MLIP: variants seen among roughly 807,000 people sequenced by gnomAD.
The protein encoded by MLIP is muscular LMNA interacting protein.
A neutral mutation model predicts 84.8 loss-of-function variants in MLIP; 79 were observed. The observed-to-expected ratio is 0.93, with a 90% confidence interval of 0.78 to 1.12. The LOEUF (loss-of-function observed/expected upper bound fraction) is 1.12, where lower values mean the gene tolerates loss of function less well. MLIP is among the 50% of genes most tolerant of loss of function. The pLI is 0.00. For missense variants in MLIP, 1,257 were observed against 1,160.6 expected (o/e 1.08, Z -1.21); for synonymous variants, 504 against 463.0 (o/e 1.09, Z -1.14).
At chr6:54,145,730 C>T (rs1034848325) in intron 4 of MLIP, among the ~76,000 whole-genome samples, 4 of 151,852 alleles carry the variant, frequency 2.6e-5, no homozygotes, top group South Asian at 2.1e-4. Context: ...GAGTTGTGAT[C>T]GCACCATGGC....
intron 12 of MLIP, among the ~76,000 whole-genome samples, chr6:54,244,124 A>C (rs919210083): frequency 1.3e-5 from 2 of 152,184 alleles, no homozygotes; most frequent in African/African-American, 4.8e-5. Flanking sequence ...ACATCCCTCA[A>C]ACCTCTTCAT....
At chr6:54,261,714 T>C in intron 13 of MLIP, 1 of 985,164 alleles carries the variant, frequency 1.0e-6, no homozygotes, top group Non-Finnish European at 1.2e-6. Flanking sequence ...GATGAGAACA[T>C]AGAAAAGAGA....
rs1486081305 is a variant in MLIP, at chr6:54,211,746, A to G, written c.2718+9513A>G. Among the ~76,000 whole-genome samples the G allele has an allele frequency of 2.6e-5, 4 of 152,278 alleles. No homozygotes were observed. In the South Asian group the frequency reaches 6.2e-4, roughly 24 times the overall value. On this transcript the variant is annotated intron_variant, in intron 11 of 13. Transcript: ENST00000502396. ...CAGGGATAATGCCAAAAATCCTACA[A>G]TGCCCAGTACATTCCCACACAACAA... is the stretch of plus-strand genomic sequence containing the variant.
chr6:54,121,628 A>G, intron 2 of MLIP, 26 bp downstream of exon 2: 2 of 1,478,152 alleles, frequency 1.4e-6, no homozygotes, highest in South Asian at 1.3e-5. Context: ...TTCTTTTTTA[A>G]TTTCAAACAA....
chr6:54,249,692 G>A (rs886358658), intron 12 of MLIP, among the ~76,000 whole-genome samples: 2 of 150,274 alleles, frequency 1.3e-5, no homozygotes, highest in African/African-American at 4.9e-5. Context: ...TTGGGGAAAT[G>A]TCTTTGGGGA....
intron 9 of MLIP, among the ~76,000 whole-genome samples, chr6:54,188,282 A>C (rs931928416): frequency 3.9e-5 from 6 of 152,172 alleles, no homozygotes; most frequent in African/African-American, 1.4e-4. Context: ...TTTCTTCAAC[A>C]ATAAATTAAC....
chr6:54,092,161 A>C (rs1220542159), intron 1 of MLIP, among the ~76,000 whole-genome samples: 2 of 152,126 alleles, frequency 1.3e-5, no homozygotes, highest in Non-Finnish European at 2.9e-5. Flanking sequence ...CTTTTCATTC[A>C]ATTTATCACA....
At chr6:54,187,387 A>G (rs995860032) in intron 9 of MLIP, among the ~76,000 whole-genome samples, 11 of 152,350 alleles carry the variant, frequency 7.2e-5, no homozygotes, top group African/African-American at 2.2e-4. Flanking sequence ...AAATACAAGC[A>G]ACATGGTATT....
intron 1 of MLIP, among the ~76,000 whole-genome samples, chr6:54,069,168 G>C (rs1364407008): frequency 4.0e-5 from 4 of 100,704 alleles, no homozygotes; most frequent in African/African-American, 1.0e-4. Context: ...CTGCAATCCA[G>C]GGTTGCAACT....
At chr6:54,028,176 G>C (rs1763927131) in intron 1 of MLIP, among the ~76,000 whole-genome samples, 2 of 152,082 alleles carry the variant, frequency 1.3e-5, no homozygotes, top group Admixed American at 1.3e-4. Context: ...CTGGTCTTTT[G>C]TTATTATTTA....
intron 5 of MLIP, among the ~76,000 whole-genome samples, chr6:54,154,669 C>T (rs1773833390): frequency 1.3e-5 from 2 of 152,116 alleles, no homozygotes; most frequent in African/African-American, 4.8e-5. Context: ...GTAAGGGATG[C>T]TCATATGGGA....
chr6:54,264,260 T>C (rs1048013724), intron 13 of MLIP, among the ~76,000 whole-genome samples: 6 of 152,098 alleles, frequency 3.9e-5, no homozygotes, highest in Admixed American at 3.9e-4. Context: ...AATATTTTAT[T>C]TAATGTTATA....
chr6:54,183,338 A>G (rs1473394472), intron 9 of MLIP, among the ~76,000 whole-genome samples: 1 of 152,210 alleles, frequency 6.6e-6, no homozygotes, highest in Admixed American at 6.5e-5. Context: ...AAATTCCACT[A>G]GACTGATCAT....
intron 8 of MLIP, 133 bp downstream of exon 8, chr6:54,160,932 T>A (rs1774575271): frequency 4.1e-6 from 3 of 727,262 alleles, no homozygotes; most frequent in East Asian, 5.4e-5. Flanking sequence ...TTTTGTAGAA[T>A]TTTAAAGATA....
chr6:54,105,567 T>A (rs1768949578), intron 1 of MLIP, among the ~76,000 whole-genome samples: 1 of 152,202 alleles, frequency 6.6e-6, no homozygotes, highest in Non-Finnish European at 1.5e-5. Flanking sequence ...GCCCTCATGG[T>A]GATTAAAATC....
chr6:54,240,699 G>C (rs1232078173), intron 12 of MLIP, among the ~76,000 whole-genome samples: 1 of 152,140 alleles, frequency 6.6e-6, no homozygotes, highest in Non-Finnish European at 1.5e-5. Context: ...ATTCCTGGCC[G>C]GGCACCGTGG....
chr6:54,184,303 A>G (rs1057452015), intron 9 of MLIP, among the ~76,000 whole-genome samples: 2 of 152,222 alleles, frequency 1.3e-5, no homozygotes, highest in Non-Finnish European at 2.9e-5. Flanking sequence ...GACTACTGAA[A>G]GGCAAAAAAA....
intron 11 of MLIP, among the ~76,000 whole-genome samples, chr6:54,223,943 T>C (rs530432707): frequency 9.2e-5 from 14 of 152,016 alleles, no homozygotes; most frequent in Non-Finnish European, 1.9e-4. Flanking sequence ...AGGAAATTTA[T>C]AATGTAAAAA....
chr6:54,148,785 G>A (rs1014161200), intron 4 of MLIP, among the ~76,000 whole-genome samples: 21 of 152,152 alleles, frequency 1.4e-4, no homozygotes, highest in Admixed American at 1.1e-3. Flanking sequence ...ATAACTTTGT[G>A]TAAAGGAAGT....
Sources: gnomAD v4.1 joint callset for allele counts (sites outside exome capture counted in the v4.1 genomes callset) on GRCh38, gnomAD v4.1.1 for gene constraint, MANE v1.5 for transcripts, NCBI Gene and HGNC (gene_info 2026-07-23, HGNC 2026-07-21) for gene names.